RAB27A: variants seen among roughly 807,000 people sequenced by gnomAD.
The protein encoded by RAB27A is ras-related protein Rab-27A.
A neutral mutation model predicts 20.8 loss-of-function variants in RAB27A; 17 were observed. The observed-to-expected ratio is 0.82, with a 90% CI of 0.56 to 1.23. RAB27A has a LOEUF of 1.23. Among genes scored for constraint, RAB27A ranks in the 50% most tolerant of loss-of-function variants. The probability of loss-of-function intolerance (pLI) is 0.00; values close to 1 mark genes in which losing one functional copy is unlikely to be tolerated. For missense variants in RAB27A, 277 were observed against 266.7 expected, an observed-to-expected ratio of 1.04 and a Z score of -0.27; for synonymous variants, 85 against 92.8, an observed-to-expected ratio of 0.92 and a Z score of 0.48.
intron 3 of RAB27A, among the ~76,000 whole-genome samples, chr15:55,232,338 A>G (rs1178207996): frequency 6.6e-6 from 1 of 152,210 alleles, no homozygotes; most frequent in Admixed American, 6.5e-5. Context: ...ATAAATAAAT[A>G]TGCAGTAAAA....
At chr15:55,267,245 T>C (rs1310021477) in intron 2 of RAB27A, among the ~76,000 whole-genome samples, 1 of 152,196 alleles carries the variant, frequency 6.6e-6, no homozygotes, top group Non-Finnish European at 1.5e-5. Flanking sequence ...GATTCCAGCT[T>C]AGACTATGTC....
At chr15:55,237,859 G>A (rs950951216) in intron 2 of RAB27A, among the ~76,000 whole-genome samples, 1 of 152,016 alleles carries the variant, frequency 6.6e-6, no homozygotes, top group South Asian at 2.1e-4. Flanking sequence ...TAGGGTACAG[G>A]AAAAAATGCT....
intron 1 of RAB27A, among the ~76,000 whole-genome samples, chr15:55,276,014 C>A (rs1454793789): frequency 6.7e-6 from 1 of 149,406 alleles, no homozygotes; most frequent in Non-Finnish European, 1.5e-5. Context: ...CAAATTGGTA[C>A]AGCCACTATG....
intron 1 of RAB27A, among the ~76,000 whole-genome samples, chr15:55,272,080 G>C (rs977156470): frequency 1.3e-5 from 2 of 152,146 alleles, no homozygotes; most frequent in Non-Finnish European, 2.9e-5. Flanking sequence ...ATTAGAGTTA[G>C]CTTCCTTTAA....
At chr15:55,221,811 G>A (rs1409175543) in intron 6 of RAB27A, among the ~76,000 whole-genome samples, 1 of 152,106 alleles carries the variant, frequency 6.6e-6, no homozygotes, top group Non-Finnish European at 1.5e-5. Context: ...TGGGCCAGGT[G>A]ATGTTGTTAG....
At chr15:55,311,790 C>T (rs1298084920) in intron 2 of RAB27A, among the ~76,000 whole-genome samples, 2 of 152,076 alleles carry the variant, frequency 1.3e-5, no homozygotes, top group African/African-American at 4.8e-5. Flanking sequence ...CCAGTTGGTC[C>T]CAATTCTCCA....
intron 1 of RAB27A, among the ~76,000 whole-genome samples, chr15:55,272,191 G>A (rs770838416): frequency 1.3e-5 from 2 of 152,058 alleles, no homozygotes; most frequent in Non-Finnish European, 2.9e-5. Flanking sequence ...TGTAGGGGGA[G>A]ATCGAGACCA....
rs535545964 is a variant in RAB27A, at chr15:55,203,271, T to G, written c.*2236A>C. On this transcript the variant is annotated 3_prime_UTR_variant, in exon 7 of 7. Coordinates refer to ENST00000336787, the MANE Select transcript of RAB27A (RefSeq NM_183235.3). The stretch of plus-strand genomic sequence containing the variant: ...ACATGCAAACATTCTTATTTTTATG[T>G]TTAAAGACATTTAATGTGTTATTCT... 4 of 152,320 alleles carry G rather than the reference T, an allele frequency of 2.6e-5. No individual in the cohort carries two copies. The South Asian group carries it at 8.3e-4, about 32-fold the overall frequency. The allele number at this position is 152,320 out of a possible 1,614,324, so 9.4% of individuals were successfully genotyped here.
chr15:55,223,549 G>T (rs1049800935), intron 6 of RAB27A, among the ~76,000 whole-genome samples: 12 of 151,338 alleles, frequency 7.9e-5, no homozygotes, highest in Admixed American at 5.3e-4. Flanking sequence ...AAATTTCCTC[G>T]CTCAACATGG....
intron 1 of RAB27A, among the ~76,000 whole-genome samples, chr15:55,286,512 A>G (rs1469769451): frequency 6.6e-6 from 1 of 152,206 alleles, no homozygotes; most frequent in African/African-American, 2.4e-5. Flanking sequence ...CCTCTCCAGA[A>G]AAATGACTTT....
intron 2 of RAB27A, among the ~76,000 whole-genome samples, chr15:55,304,574 T>G (rs547271521): frequency 6.6e-6 from 1 of 152,330 alleles, no homozygotes; most frequent in South Asian, 2.1e-4. Flanking sequence ...TCTCTAGACA[T>G]TTACCTGTTC....
intron 2 of RAB27A, among the ~76,000 whole-genome samples, chr15:55,308,656 T>A (rs2055007922): frequency 6.6e-6 from 1 of 152,226 alleles, no homozygotes. Context: ...CTATCTTTTC[T>A]TCATTGTCCG....
chr15:55,302,911 C>T (rs1276466265), intron 2 of RAB27A, among the ~76,000 whole-genome samples: 3 of 138,776 alleles, frequency 2.2e-5, no homozygotes, highest in South Asian at 2.4e-4. Flanking sequence ...GGAGCCTCTC[C>T]GCCCGGCAGC....
chr15:55,246,462 A>T (rs1896689537), intron 2 of RAB27A, among the ~76,000 whole-genome samples: 1 of 152,082 alleles, frequency 6.6e-6, no homozygotes, highest in Non-Finnish European at 1.5e-5. Context: ...TCATTTACCC[A>T]AAAGACATTA....
At chr15:55,266,603 G>T (rs1225736964) in intron 2 of RAB27A, among the ~76,000 whole-genome samples, 1 of 152,144 alleles carries the variant, frequency 6.6e-6, no homozygotes, top group African/African-American at 2.4e-5. Context: ...TTGAGAAGAT[G>T]ATAATTATTA....
At chr15:55,257,252 C>CA (rs906904826) in intron 2 of RAB27A, among the ~76,000 whole-genome samples, 3 of 152,148 alleles carry the variant, frequency 2.0e-5, no homozygotes, top group Admixed American at 2.0e-4. Context: ...GAGAGATCAT[C>CA]AAAGCCACAT....
intron 2 of RAB27A, among the ~76,000 whole-genome samples, chr15:55,252,494 C>T (rs1896925937): frequency 6.6e-6 from 1 of 152,078 alleles, no homozygotes; most frequent in Non-Finnish European, 1.5e-5. Context: ...CCTAGCTACT[C>T]TGAAGGCTGA....
intron 1 of RAB27A, among the ~76,000 whole-genome samples, chr15:55,318,020 A>G (rs1263242238): frequency 6.6e-6 from 1 of 152,224 alleles, no homozygotes; most frequent in African/African-American, 2.4e-5. Context: ...CAGGAAGTGA[A>G]TTAGGGAAGG....
chr15:55,208,536 T>C (rs1894762872), intron 6 of RAB27A, among the ~76,000 whole-genome samples: 1 of 152,194 alleles, frequency 6.6e-6, no homozygotes, highest in Non-Finnish European at 1.5e-5. Flanking sequence ...ACAATCTGAC[T>C]CCCTTCATGA....
Sources: allele counts gnomAD v4.1 joint callset (sites outside exome capture counted in the v4.1 genomes callset), GRCh38; gene constraint gnomAD v4.1.1; transcripts MANE v1.5; gene names NCBI Gene and HGNC (gene_info 2026-07-23, HGNC 2026-07-21).